Variants in TFEC observed in about 807,000 individuals in gnomAD.
TFEC encodes class E basic helix-loop-helix protein 34.
TFEC carries 31 observed loss-of-function variants against 41.6 expected under a neutral mutation model. The observed-to-expected ratio is 0.74, with a 90% CI of 0.56 to 1.01. The LOEUF is 1.01. Ranked by LOEUF, TFEC falls within the 50% of genes least tolerant of loss-of-function variation. TFEC has a pLI of 0.00. For synonymous variants in TFEC, 143 were observed against 140.6 expected (o/e 1.02, Z -0.12); for missense variants, 402 against 404.1 (o/e 0.99, Z 0.04).
intron 6 of TFEC, among the ~76,000 whole-genome samples, chr7:115,944,013 A>ATGTTTTTTTTTTTTTTTTTTTTTTTT (rs1793648897): frequency 4.4e-5 from 1 of 22,830 alleles, no homozygotes; most frequent in Non-Finnish European, 1.0e-4. Flanking sequence ...ACAGGTCTGA[A>ATGTTTTTTTTTTTTTTTTTTTTTTTT]TTTTTTTTTT....
rs114721787 is a variant in TFEC, at chr7:116,022,078, G to A, written c.-73+8555C>T. Among the ~76,000 whole-genome samples the A allele has an allele frequency of 8.3e-3, 1,269 of 152,194 alleles. 27 individuals carry two copies. Among genetic ancestry groups the A allele is most frequent in the African/African-American group, 0.029 (1,194 of 41,504 alleles). On this transcript the variant is annotated intron_variant, in intron 1 of 7. Transcript: ENST00000265440. Reference sequence around the variant, plus strand: ...AGAAAAGCACTGTGGAAGTACCCGCGTGCCCACCTCTTGACATGTCCTGGT... The same window carrying A: ...AGAAAAGCACTGTGGAAGTACCCGCATGCCCACCTCTTGACATGTCCTGGT...
intron 1 of TFEC, among the ~76,000 whole-genome samples, chr7:116,141,060 T>C (rs550513730): frequency 6.6e-6 from 1 of 152,324 alleles, no homozygotes; most frequent in South Asian, 2.1e-4. Context: ...CATTGTAAAT[T>C]ACAGAGGTTT....
chr7:115,974,866 T>C (rs1265016787), intron 2 of TFEC, among the ~76,000 whole-genome samples: 1 of 151,974 alleles, frequency 6.6e-6, no homozygotes, highest in Non-Finnish European at 1.5e-5. Context: ...ATTATGAACA[T>C]TTTAAATAGT....
At chr7:116,093,871 A>G (rs1488372602) in intron 3 of TFEC, among the ~76,000 whole-genome samples, 3 of 152,222 alleles carry the variant, frequency 2.0e-5, no homozygotes, top group Non-Finnish European at 4.4e-5. Flanking sequence ...AAATGTGGTA[A>G]TGTTCACTTG....
chr7:116,097,736 G>A lies in TFEC; in HGVS notation c.198+12972C>T, dbSNP rs539509807. On this transcript the variant is annotated intron_variant, in intron 3 of 8. Transcript: ENST00000484212. ...TATTTTTAAACCACGGTTAACCATG[G>A]ATAACCGAAAACAGCACAAACAAAA... is the stretch of plus-strand genomic sequence containing the variant. 1.3e-4 allele frequency among the ~76,000 whole-genome samples: 20 copies of A among 152,086 alleles called. No individual in the cohort carries two copies. In the Middle Eastern group the frequency reaches 0.01, roughly 78 times the overall value.
At position 115,937,257 on chromosome 7, in the gene TFEC, A is replaced by T. The variant is rs1584535866; in HGVS notation, c.*3294T>A. 2 of 151,764 alleles carry T rather than the reference A, an allele frequency of 1.3e-5. No homozygotes were observed. The highest frequency in any genetic ancestry group is 1.5e-5 in the Non-Finnish European group (1 of 67,740). 9.4% of individuals were successfully genotyped at this position (151,764 alleles called of 1,614,324 possible). On this transcript the variant is annotated 3_prime_UTR_variant, in exon 8 of 8. Coordinates refer to ENST00000265440, the MANE Select transcript of TFEC (RefSeq NM_012252.4). ...TTAAATCTTTAAATGAAAAGGGATA[A>T]TTGTATATTAATTGAATGAATAAAT...
At chr7:116,129,937 T>C (rs1222072980) in intron 1 of TFEC, among the ~76,000 whole-genome samples, 1 of 151,912 alleles carries the variant, frequency 6.6e-6, no homozygotes, top group African/African-American at 2.4e-5. Context: ...TCTATCACCA[T>C]AAACTTCCAG....
At chr7:115,957,092 C>G (rs1792276339) in intron 3 of TFEC, among the ~76,000 whole-genome samples, 1 of 151,842 alleles carries the variant, frequency 6.6e-6, no homozygotes, top group Non-Finnish European at 1.5e-5. Context: ...GAAGTTTGAT[C>G]CAGCATATGA....
intron 1 of TFEC, among the ~76,000 whole-genome samples, chr7:116,121,084 A>C (rs1450165802): frequency 1.3e-5 from 2 of 152,002 alleles, no homozygotes; most frequent in African/African-American, 2.4e-5. Flanking sequence ...GGTCAAACTA[A>C]TCTTATACAC....
At chr7:115,965,927 C>T (rs965372080) in intron 3 of TFEC, among the ~76,000 whole-genome samples, 5 of 151,494 alleles carry the variant, frequency 3.3e-5, no homozygotes, top group African/African-American at 1.2e-4. Context: ...AGCTATTTCT[C>T]AGTTTGAAAA....
intron 3 of TFEC, among the ~76,000 whole-genome samples, chr7:116,104,069 G>A (rs1797663692): frequency 6.6e-6 from 1 of 152,144 alleles, no homozygotes; most frequent in Non-Finnish European, 1.5e-5. Flanking sequence ...CAATAATAGT[G>A]AAGAAAAGGG....
At chr7:116,051,645 T>C (rs1274798086) in intron 3 of TFEC, among the ~76,000 whole-genome samples, 3 of 152,242 alleles carry the variant, frequency 2.0e-5, no homozygotes, top group Middle Eastern at 3.4e-3. Context: ...TGTGTGCTTA[T>C]GTATCTACAC....
intron 1 of TFEC, among the ~76,000 whole-genome samples, chr7:115,991,234 A>G (rs1054001450): frequency 6.6e-6 from 1 of 152,214 alleles, no homozygotes; most frequent in East Asian, 1.9e-4. Context: ...AGCACTAAAC[A>G]TGGAAAGGAA....
chr7:116,111,659 G>T (rs1311840509), intron 2 of TFEC, among the ~76,000 whole-genome samples: 1 of 151,922 alleles, frequency 6.6e-6, no homozygotes, highest in Non-Finnish European at 1.5e-5. Flanking sequence ...AAGCTGTTGG[G>T]GGACCTAAAT....
At chr7:115,987,181 A>C (rs370780135) in intron 1 of TFEC, among the ~76,000 whole-genome samples, 1 of 152,184 alleles carries the variant, frequency 6.6e-6, no homozygotes, top group African/African-American at 2.4e-5. Context: ...CTGTGTTGGA[A>C]GCTATCTGTA....
chr7:115,980,077 T>G (rs1425709302), intron 2 of TFEC, among the ~76,000 whole-genome samples: 1 of 152,222 alleles, frequency 6.6e-6, no homozygotes, highest in African/African-American at 2.4e-5. Context: ...AATTTTCTTC[T>G]TCTTTCTTAC....
At chr7:115,957,390 A>G (rs1454108571) in intron 3 of TFEC, among the ~76,000 whole-genome samples, 1 of 151,846 alleles carries the variant, frequency 6.6e-6, no homozygotes, top group Non-Finnish European at 1.5e-5. Flanking sequence ...AAAGTAGTCT[A>G]AAACTACTTT....
rs572119521 is a variant in TFEC, at chr7:115,974,406, TTATATA to T, written c.181-156_181-151del. 2.1e-3 allele frequency: 135 copies of T among 64,990 alleles called. 1 individual carries two copies. Among genetic ancestry groups the T allele is most frequent in the African/African-American group, 6.1e-3 (110 of 17,908 alleles). The allele number at this position is 64,990 out of a possible 1,614,324, so 4.0% of individuals were successfully genotyped here. On this transcript the variant is annotated intron_variant, in intron 2 of 7. Transcript: ENST00000265440. ...TATACATATATATAAAACCTCAATA[TTATATA>T]TATATATATATATATATATATATAT...
In TFEC at chr7:115,935,627, T is replaced by C. The variant is rs1012907563; in HGVS notation, c.*4924A>G. ...TCAGCAAAATCAGTCTCTTCTTTTA[T>C]TTGTATATTTTGTCTGCTACATAAA... On this transcript the variant is annotated 3_prime_UTR_variant, in exon 8 of 8. Transcript: ENST00000265440. 6.6e-6 allele frequency: 1 copy of C among 151,796 alleles called. No individual in the cohort carries two copies. Among genetic ancestry groups the C allele is most frequent in the African/African-American group, 2.4e-5 (1 of 41,544 alleles). 9.4% of individuals were successfully genotyped at this position (151,796 alleles called of 1,614,324 possible).
Sources: gnomAD v4.1 joint callset for allele counts (sites outside exome capture counted in the v4.1 genomes callset) on GRCh38, gnomAD v4.1.1 for gene constraint, MANE v1.5 for transcripts, NCBI Gene and HGNC (gene_info 2026-07-23, HGNC 2026-07-21) for gene names.